Variants in ATXN7 observed in about 807,000 individuals in gnomAD.
ATXN7 encodes the protein ataxin 7.
In ATXN7, 12 loss-of-function variants were observed where a neutral mutation model predicts 70.5. The ratio of observed to expected loss-of-function variants is 0.17; its 90% CI spans 0.11 to 0.28. The LOEUF is 0.28. ATXN7 is among the 10% of genes least tolerant of loss of function. ATXN7 has a pLI of 1.00. For synonymous variants in ATXN7, 498 were observed against 448.7 expected (o/e 1.11, Z -1.39); for missense variants, 1,256 against 1,131.7 (o/e 1.11, Z -1.58).
intron 4 of ATXN7, among the ~76,000 whole-genome samples, chr3:63,939,031 G>A (rs2074711209): frequency 6.6e-6 from 1 of 151,646 alleles, no homozygotes; most frequent in Admixed American, 6.6e-5. Flanking sequence ...AAGAAATAAA[G>A]TTTTAGGACT....
intron 1 of ATXN7, among the ~76,000 whole-genome samples, chr3:63,882,269 A>G (rs1234301112): frequency 2.6e-5 from 4 of 152,168 alleles, no homozygotes; most frequent in Non-Finnish European, 5.9e-5. Context: ...TAGTTAAAAT[A>G]TCTATCTTGT....
chr3:63,953,459 G>T (rs2074988792), intron 5 of ATXN7, among the ~76,000 whole-genome samples: 1 of 152,104 alleles, frequency 6.6e-6, no homozygotes, highest in African/African-American at 2.4e-5. Context: ...CATAGGCCAG[G>T]CTAAGAAGCA....
intron 6 of ATXN7, chr3:63,980,448 A>G (rs964313651): frequency 4.6e-6 from 2 of 433,014 alleles, no homozygotes; most frequent in Non-Finnish European, 8.4e-6. Context: ...ACTTATCACA[A>G]CAACCCTATG....
In ATXN7 at chr3:63,946,324, G is replaced by T. The variant is rs187543045; in HGVS notation, c.395-6055G>T. Among the ~76,000 whole-genome samples, 699 of 152,196 alleles carry T rather than the reference G, an allele frequency of 4.6e-3. 1 individual carries two copies. The highest frequency in any genetic ancestry group is 7.0e-3 in the Non-Finnish European group (479 of 67,996). On this transcript the variant is annotated intron_variant, in intron 4 of 12. Transcript: ENST00000674280. ...AGCAGAGAGAAGAGCTTTCTATGCTGTAGGAGCTGTTCTGTCCAAAAGAAG... is the reference window on the plus strand; with the variant it reads ...AGCAGAGAGAAGAGCTTTCTATGCTTTAGGAGCTGTTCTGTCCAAAAGAAG...
intron 4 of ATXN7, among the ~76,000 whole-genome samples, chr3:63,924,565 A>G (rs540119323): frequency 4.6e-5 from 7 of 152,246 alleles, no homozygotes; most frequent in African/African-American, 1.7e-4. Flanking sequence ...GATGAGTGTG[A>G]TGGTGGTGAA....
intron 1 of ATXN7, among the ~76,000 whole-genome samples, chr3:63,869,255 C>T (rs1702526030): frequency 6.6e-6 from 1 of 152,098 alleles, no homozygotes; most frequent in African/African-American, 2.4e-5. Flanking sequence ...TCAACTTGGT[C>T]CAGTCTCCTT....
chr3:63,882,574 A>G (rs704370), intron 1 of ATXN7, among the ~76,000 whole-genome samples: 89,263 of 151,240 alleles, frequency 0.59, 27,376 homozygotes, highest in Non-Finnish European at 0.67. Flanking sequence ...TTTAGTAGAG[A>G]CCGATTTCAC....
intron 4 of ATXN7, among the ~76,000 whole-genome samples, chr3:63,946,642 C>CAAA (rs1201416885): frequency 8.0e-5 from 6 of 75,466 alleles, no homozygotes; most frequent in Admixed American, 5.5e-4. Context: ...GACTCTGTCT[C>CAAA]AAAAAAAAAA....
At chr3:63,981,595 A>T (rs1000672785) in intron 6 of ATXN7, among the ~76,000 whole-genome samples, 3 of 152,164 alleles carry the variant, frequency 2.0e-5, no homozygotes, top group African/African-American at 4.8e-5. Context: ...TCATAGAAAC[A>T]TTTTTCAAGG....
intron 4 of ATXN7, among the ~76,000 whole-genome samples, chr3:63,918,567 C>G (rs977887284): frequency 6.6e-6 from 1 of 152,236 alleles, no homozygotes; most frequent in Non-Finnish European, 1.5e-5. Context: ...CTACTCCCCA[C>G]AGTGAATTAT....
intron 1 of ATXN7, among the ~76,000 whole-genome samples, chr3:63,879,763 A>G (rs1407637961): frequency 6.6e-6 from 1 of 152,188 alleles, no homozygotes; most frequent in Admixed American, 6.5e-5. Flanking sequence ...TAGCAAAAAG[A>G]TTCTTATTCC....
intron 1 of ATXN7, among the ~76,000 whole-genome samples, chr3:63,872,618 T>C (rs951641359): frequency 6.6e-6 from 1 of 152,166 alleles, no homozygotes; most frequent in Admixed American, 6.5e-5. Flanking sequence ...CAACTCAAAT[T>C]TTAGGAGTTG....
At chr3:63,883,812 T>C (rs540691361) in intron 1 of ATXN7, among the ~76,000 whole-genome samples, 13 of 152,210 alleles carry the variant, frequency 8.5e-5, no homozygotes, top group Non-Finnish European at 1.6e-4. Flanking sequence ...ACAAGTAGCA[T>C]TTAATTCTAG....
intron 4 of ATXN7, among the ~76,000 whole-genome samples, chr3:63,915,982 C>T (rs965360948): frequency 5.9e-5 from 9 of 152,136 alleles, no homozygotes; most frequent in Admixed American, 1.3e-4. Context: ...CCACCACCCC[C>T]GCCAGAAACT....
intron 12 of ATXN7, 134 bp downstream of exon 12, chr3:63,996,617 TAAAAAAAAAAAAAAA>T: frequency 5.0e-6 from 1 of 201,462 alleles, no homozygotes; most frequent in South Asian, 7.9e-5. Flanking sequence ...GGTGTCTTCT[TAAAAAAAAAAAAAAA>T]AAAAAAAAAG....
At chr3:63,985,878 A>C (rs993796392) in intron 8 of ATXN7, among the ~76,000 whole-genome samples, 1 of 152,234 alleles carries the variant, frequency 6.6e-6, no homozygotes, top group East Asian at 1.9e-4. Flanking sequence ...TAGCACAATA[A>C]CCACGTGTTC....
At chr3:63,872,227 T>G (rs1702617660) in intron 1 of ATXN7, among the ~76,000 whole-genome samples, 2 of 152,244 alleles carry the variant, frequency 1.3e-5, no homozygotes, top group African/African-American at 4.8e-5. Flanking sequence ...CTATAAAATA[T>G]AGAAATATTA....
intron 1 of ATXN7, among the ~76,000 whole-genome samples, chr3:63,892,479 ACACACACACACACACC>A (rs1703304114): frequency 2.0e-5 from 3 of 147,404 alleles, no homozygotes; most frequent in Non-Finnish European, 4.5e-5. Flanking sequence ...ACACACACAC[ACACACACACACACACC>A]CACACACACA....
At chr3:63,892,553 C>T in intron 1 of ATXN7, among the ~76,000 whole-genome samples, 1 of 151,912 alleles carries the variant, frequency 6.6e-6, no homozygotes, top group South Asian at 2.1e-4. Flanking sequence ...CTTTAATTTG[C>T]CTCTTATCCC....
Sources: gnomAD v4.1 joint callset for allele counts (sites outside exome capture counted in the v4.1 genomes callset) on GRCh38, gnomAD v4.1.1 for gene constraint, MANE v1.5 for transcripts, NCBI Gene and HGNC (gene_info 2026-07-23, HGNC 2026-07-21) for gene names.